LDB2: variants seen among roughly 807,000 people sequenced by gnomAD.
LDB2 encodes LIM domain binding 2, also known as LIM domain-binding protein 2.
In LDB2, 12 loss-of-function variants were observed where a neutral mutation model predicts 44.3. The observed-to-expected ratio is 0.27, with a 90% CI of 0.17 to 0.44. LDB2 has a LOEUF of 0.44. LDB2 is among the 20% of genes least tolerant of loss of function. The pLI is 1.00. For missense variants in LDB2, 344 were observed against 473.5 expected (o/e 0.73, Z 2.54); for synonymous variants, 164 against 174.8 (o/e 0.94, Z 0.49).
intron 2 of LDB2, among the ~76,000 whole-genome samples, chr4:16,710,903 G>A (rs181271817): frequency 2.2e-4 from 33 of 152,242 alleles, no homozygotes; most frequent in African/African-American, 7.7e-4. Flanking sequence ...CTAAAGTACC[G>A]AAAGGCAATT....
At chr4:16,645,641 G>A (rs1041727316) in intron 2 of LDB2, among the ~76,000 whole-genome samples, 10 of 151,568 alleles carry the variant, frequency 6.6e-5, no homozygotes, top group South Asian at 2.1e-4. Flanking sequence ...AAGAAAACCC[G>A]AGAGAAATAA....
intron 2 of LDB2, among the ~76,000 whole-genome samples, chr4:16,692,996 A>C (rs767756216): frequency 1.3e-5 from 2 of 152,198 alleles, no homozygotes; most frequent in Non-Finnish European, 2.9e-5. Flanking sequence ...CCTGCCCCCC[A>C]GAGCTAGCTA....
At chr4:16,507,359 G>A (rs1261671952) in intron 7 of LDB2, 2 of 152,298 alleles carry the variant, frequency 1.3e-5, no homozygotes, top group East Asian at 3.9e-4. Context: ...TACTGATGGG[G>A]TTGGTTTTGG....
chr4:16,826,957 T>C (rs115285983), intron 1 of LDB2, among the ~76,000 whole-genome samples: 2,906 of 152,260 alleles, frequency 0.019, 38 homozygotes, highest in Middle Eastern at 0.061. Flanking sequence ...CTAGGCTTGA[T>C]TGGTGTAGAA....
intron 5 of LDB2, among the ~76,000 whole-genome samples, chr4:16,557,454 T>C (rs1740129263): frequency 6.6e-6 from 1 of 152,160 alleles, no homozygotes; most frequent in African/African-American, 2.4e-5. Context: ...ATCTCGCTGA[T>C]TGCTAGCACA....
chr4:16,896,950 C>T (rs974214950), intron 1 of LDB2, among the ~76,000 whole-genome samples: 1 of 152,206 alleles, frequency 6.6e-6, no homozygotes, highest in African/African-American at 2.4e-5. Flanking sequence ...TCTATAGAAG[C>T]TACTGGCTTC....
At chr4:16,845,465 C>T (rs925329077) in intron 1 of LDB2, among the ~76,000 whole-genome samples, 16 of 152,136 alleles carry the variant, frequency 1.1e-4, no homozygotes, top group African/African-American at 2.7e-4. Flanking sequence ...TGCCTTCCTA[C>T]GGCAGGCACA....
intron 2 of LDB2, among the ~76,000 whole-genome samples, chr4:16,652,812 G>A (rs1022825109): frequency 1.3e-5 from 2 of 152,134 alleles, no homozygotes; most frequent in African/African-American, 2.4e-5. Flanking sequence ...CAGCTCCCCC[G>A]AGGACAGGAT....
intron 1 of LDB2, among the ~76,000 whole-genome samples, chr4:16,761,942 G>A (rs1349407038): frequency 2.0e-5 from 3 of 152,060 alleles, no homozygotes; most frequent in African/African-American, 7.2e-5. Context: ...TCAGGAGTTC[G>A]AGACCAGCCT....
chr4:16,896,219 T>A (rs1478692603), intron 1 of LDB2, among the ~76,000 whole-genome samples: 1 of 152,200 alleles, frequency 6.6e-6, no homozygotes, highest in Admixed American at 6.5e-5. Context: ...TCTTGAGCTA[T>A]GAAGTAGTCT....
chr4:16,508,248 C>T (rs775035079), intron 7 of LDB2, among the ~76,000 whole-genome samples: 1 of 152,170 alleles, frequency 6.6e-6, no homozygotes, highest in African/African-American at 2.4e-5. Context: ...TTAATTAAAC[C>T]TTAAGTGACA....
At chr4:16,540,986 T>A (rs1190961653) in intron 5 of LDB2, among the ~76,000 whole-genome samples, 1 of 152,198 alleles carries the variant, frequency 6.6e-6, no homozygotes, top group African/African-American at 2.4e-5. Context: ...TCTACCAAAT[T>A]AGTAGTATAA....
intron 2 of LDB2, among the ~76,000 whole-genome samples, chr4:16,720,061 T>C (rs1420662888): frequency 2.0e-5 from 3 of 152,096 alleles, no homozygotes; most frequent in Non-Finnish European, 2.9e-5. Flanking sequence ...AGAGACTCAA[T>C]AACTCATTCA....
chr4:16,536,198 C>T (rs939868492), intron 5 of LDB2, among the ~76,000 whole-genome samples: 2 of 152,186 alleles, frequency 1.3e-5, no homozygotes, highest in Admixed American at 6.5e-5. Context: ...GAAGGATGCC[C>T]ATGTAGCTCA....
At position 16,764,824 on chromosome 4, in the gene LDB2, C is replaced by T. The variant is rs149838721; in HGVS notation, c.133-5564G>A. On this transcript the variant is annotated intron_variant, in intron 1 of 7. Transcript: ENST00000304523. ...AATGTGGCCAAGTTCAGCAAGACGG[C>T]CAGCAGGAGGCTGTGTGAGTTAAGC... Among the ~76,000 whole-genome samples, 672 of 152,286 alleles carry T rather than the reference C, an allele frequency of 4.4e-3. 5 individuals carry two copies. The highest frequency in any genetic ancestry group is 0.015 in the African/African-American group (642 of 41,556).
At chr4:16,589,790 A>C (rs973686368) in intron 3 of LDB2, among the ~76,000 whole-genome samples, 6 of 152,152 alleles carry the variant, frequency 3.9e-5, no homozygotes, top group African/African-American at 1.4e-4. Context: ...AAAGCAGTAC[A>C]AAATAGCGGG....
intron 1 of LDB2, among the ~76,000 whole-genome samples, chr4:16,823,105 C>T (rs754006362): frequency 6.6e-6 from 1 of 152,218 alleles, no homozygotes; most frequent in Non-Finnish European, 1.5e-5. Flanking sequence ...CACAATTTGT[C>T]TGTCTTCCTG....
chr4:16,858,495 C>T (rs1422800972), intron 1 of LDB2, among the ~76,000 whole-genome samples: 1 of 152,168 alleles, frequency 6.6e-6, no homozygotes, highest in Admixed American at 6.5e-5. Flanking sequence ...TTTTCCCCCA[C>T]AACAAACTTT....
At chr4:16,717,187 A>AATAATAATAATAATGATGATG (rs56204510) in intron 2 of LDB2, among the ~76,000 whole-genome samples, 3 of 146,886 alleles carry the variant, frequency 2.0e-5, no homozygotes, top group African/African-American at 7.4e-5. Flanking sequence ...TAATAATAAT[A>AATAATAATAATAATGATGATG]ATGATGATGA....
Sources: gnomAD v4.1 joint callset for allele counts (sites outside exome capture counted in the v4.1 genomes callset) on GRCh38, gnomAD v4.1.1 for gene constraint, MANE v1.5 for transcripts, NCBI Gene and HGNC (gene_info 2026-07-23, HGNC 2026-07-21) for gene names.